ABTB3: variants seen among roughly 807,000 people sequenced by gnomAD.
ABTB3 encodes the protein ankyrin repeat- and BTB/POZ domain-containing protein 3.
chr12:107,626,887 T>G, the ABTB3 span, among the ~76,000 whole-genome samples: 3 of 152,112 alleles, frequency 2.0e-5, no homozygotes, highest in East Asian at 5.8e-4. Flanking sequence ...ATCAAATAGC[T>G]CAAGAAGTCA....
At chr12:107,562,574 G>T in the ABTB3 span, among the ~76,000 whole-genome samples, 6 of 152,362 alleles carry the variant, frequency 3.9e-5, no homozygotes, top group African/African-American at 1.4e-4. Context: ...GGCAGGGTCA[G>T]ATCCTACAGG....
At chr12:107,391,348 A>G in the ABTB3 span, among the ~76,000 whole-genome samples, 2 of 152,056 alleles carry the variant, frequency 1.3e-5, no homozygotes, top group Non-Finnish European at 2.9e-5. Context: ...CACAGTTGGG[A>G]TCCTAATCAT....
At chr12:107,560,834 A>G in the ABTB3 span, among the ~76,000 whole-genome samples, 1 of 152,190 alleles carries the variant, frequency 6.6e-6, no homozygotes, top group African/African-American at 2.4e-5. Flanking sequence ...CAGATGAGGA[A>G]AACACCACAA....
the ABTB3 span, among the ~76,000 whole-genome samples, chr12:107,527,130 C>T: frequency 6.6e-6 from 1 of 152,118 alleles, no homozygotes; most frequent in African/African-American, 2.4e-5. Context: ...CCACCTACCC[C>T]TCCCCACATC....
chr12:107,447,024 A>G, the ABTB3 span, among the ~76,000 whole-genome samples: 1 of 152,222 alleles, frequency 6.6e-6, no homozygotes, highest in African/African-American at 2.4e-5. Context: ...GCCCCTCTCA[A>G]TTAACCAGGA....
chr12:107,516,682 G>C, the ABTB3 span, among the ~76,000 whole-genome samples: 1 of 152,212 alleles, frequency 6.6e-6, no homozygotes, highest in African/African-American at 2.4e-5. Context: ...CAGGCAGTGG[G>C]GACGAGAGCA....
At chr12:107,459,844 G>A in the ABTB3 span, among the ~76,000 whole-genome samples, 3 of 152,182 alleles carry the variant, frequency 2.0e-5, no homozygotes, top group Non-Finnish European at 4.4e-5. Context: ...GCCGTGGCCC[G>A]GCCCTCCAGA....
chr12:107,615,265 T>C, the ABTB3 span: 1 of 846,112 alleles, frequency 1.2e-6, no homozygotes, highest in South Asian at 1.6e-5. Context: ...GACATTCATA[T>C]TGGTTAACTG....
the ABTB3 span, among the ~76,000 whole-genome samples, chr12:107,417,517 C>T: frequency 6.6e-6 from 1 of 152,208 alleles, no homozygotes; most frequent in Non-Finnish European, 1.5e-5. Context: ...TCTCCCAAGT[C>T]CCTTAAATGG....
At chr12:107,642,308 T>C in the ABTB3 span, 1 of 710,968 alleles carries the variant, frequency 1.4e-6, no homozygotes, top group Non-Finnish European at 2.4e-6. Flanking sequence ...TCCCGGCCCC[T>C]CCTCACAGTG....
At chr12:107,321,724 C>T in the ABTB3 span, among the ~76,000 whole-genome samples, 3 of 152,106 alleles carry the variant, frequency 2.0e-5, no homozygotes, top group Non-Finnish European at 4.4e-5. Context: ...CCTGCAAAAC[C>T]TGGGAGCTTT....
chr12:107,586,772 G>A, the ABTB3 span, among the ~76,000 whole-genome samples: 9 of 152,146 alleles, frequency 5.9e-5, no homozygotes, highest in African/African-American at 1.4e-4. Flanking sequence ...CACCTGCTGT[G>A]TGCTTGCCTG....
chr12:107,330,665 C>G, the ABTB3 span, among the ~76,000 whole-genome samples: 1 of 152,166 alleles, frequency 6.6e-6, no homozygotes, highest in East Asian at 1.9e-4. Flanking sequence ...TTTTTAGAGC[C>G]CATCTCCCAT....
At chr12:107,508,443 T>TTTTTG in the ABTB3 span, among the ~76,000 whole-genome samples, 1 of 74,932 alleles carries the variant, frequency 1.3e-5, no homozygotes, top group African/African-American at 5.9e-5. Context: ...CATTTCTTTT[T>TTTTTG]TTTTTTTTTT....
the ABTB3 span, among the ~76,000 whole-genome samples, chr12:107,621,826 G>A: frequency 5.3e-5 from 8 of 152,232 alleles, no homozygotes; most frequent in African/African-American, 1.9e-4. Context: ...CAGCTCATTA[G>A]ATAGGAAATA....
At chr12:107,405,654 C>T in the ABTB3 span, among the ~76,000 whole-genome samples, 7 of 152,260 alleles carry the variant, frequency 4.6e-5, no homozygotes, top group Admixed American at 1.3e-4. Flanking sequence ...GGCATCTGAT[C>T]TGCCAGCTTA....
At chr12:107,359,513 G>A in the ABTB3 span, among the ~76,000 whole-genome samples, 1 of 152,168 alleles carries the variant, frequency 6.6e-6, no homozygotes, top group Non-Finnish European at 1.5e-5. Context: ...GGATAGCAGA[G>A]ATTACAGCTG....
At chr12:107,604,279 C>G in the ABTB3 span, among the ~76,000 whole-genome samples, 1 of 151,896 alleles carries the variant, frequency 6.6e-6, no homozygotes, top group Non-Finnish European at 1.5e-5. Flanking sequence ...AAACTCTGTC[C>G]CTACTAAAAA....
chr12:107,563,407 C>T, the ABTB3 span, among the ~76,000 whole-genome samples: 234 of 152,302 alleles, frequency 1.5e-3, 1 homozygote, highest in Non-Finnish European at 9.3e-4. Context: ...TGGTAAGCTT[C>T]TGCTCTTATG....
Sources: gnomAD v4.1 joint callset for allele counts (sites outside exome capture counted in the v4.1 genomes callset) on GRCh38, gnomAD v4.1.1 for gene constraint, MANE v1.5 for transcripts, NCBI Gene and HGNC (gene_info 2026-07-23, HGNC 2026-07-21) for gene names.